DAB1: variants seen among roughly 807,000 people sequenced by gnomAD.
DAB1 encodes the protein DAB adaptor protein 1, also known as disabled homolog 1.
Under a neutral mutation model 64.6 loss-of-function variants are expected in DAB1, and 15 were observed. The ratio of observed to expected loss-of-function variants is 0.23; its 90% CI spans 0.16 to 0.36. The LOEUF is 0.36. DAB1 is among the 10% of genes least tolerant of loss of function. DAB1 has a pLI of 1.00. For synonymous variants in DAB1, 235 were observed against 251.9 expected, an observed-to-expected ratio of 0.93 and a Z score of 0.64; for missense variants, 596 against 706.7, an observed-to-expected ratio of 0.84 and a Z score of 1.78.
chr1:57,575,306 A>G (rs1489173228), intron 7 of DAB1, among the ~76,000 whole-genome samples: 1 of 152,240 alleles, frequency 6.6e-6, no homozygotes, highest in Non-Finnish European at 1.5e-5. Flanking sequence ...GTACCTTTAA[A>G]TTGATCATAA....
intron 9 of DAB1, among the ~76,000 whole-genome samples, chr1:57,049,839 G>GGAGGCA (rs1648992114): frequency 6.6e-6 from 1 of 152,172 alleles, no homozygotes; most frequent in Non-Finnish European, 1.5e-5. Flanking sequence ...TGGTCAACAA[G>GGAGGCA]GAGGCAGTAG....
intron 3 of DAB1, among the ~76,000 whole-genome samples, chr1:57,137,967 T>A (rs866210441): frequency 6.6e-5 from 10 of 152,294 alleles, no homozygotes; most frequent in African/African-American, 2.2e-4. Context: ...AACCTCTTAG[T>A]TTCACTTCCT....
chr1:57,938,199 T>C (rs1645054954), intron 5 of DAB1, among the ~76,000 whole-genome samples: 1 of 152,246 alleles, frequency 6.6e-6, no homozygotes, highest in South Asian at 2.1e-4. Context: ...TTCTGAACTT[T>C]AGCAGCTTCT....
In DAB1 at chr1:57,877,540, G is replaced by T. The variant is rs1644067394; in HGVS notation, n.87+6459C>A. ...GCTTCATCTTTTAAAAATCCTAATT[G>T]ATTTATTTTTTTTTTTTTTTTTTTT... is the stretch of plus-strand genomic sequence containing the variant. On this transcript the variant is annotated intron_variant and non_coding_transcript_variant, in intron 1 of 1. Transcript: ENST00000477280. 3.7e-5 allele frequency among the ~76,000 whole-genome samples: 4 copies of T among 107,874 alleles called. 1 individual carries two copies. The South Asian group carries it at 8.5e-4, about 23-fold the overall frequency. The allele number at this position is 107,874 out of a possible 152,430, so 70.8% of individuals were successfully genotyped here.
At chr1:57,890,527 C>T (rs568296691) in intron 5 of DAB1, among the ~76,000 whole-genome samples, 11 of 149,082 alleles carry the variant, frequency 7.4e-5, no homozygotes, top group African/African-American at 2.7e-4. Context: ...ACAATCTTGG[C>T]TCACTGTAGT....
chr1:57,335,412 ATT>A (rs1677002603), intron 1 of DAB1, among the ~76,000 whole-genome samples: 1 of 152,228 alleles, frequency 6.6e-6, no homozygotes, highest in Non-Finnish European at 1.5e-5. Flanking sequence ...ACAGCATTAG[ATT>A]TTGCTTGATA....
intron 7 of DAB1, among the ~76,000 whole-genome samples, chr1:57,584,393 G>A (rs1283470460): frequency 7.9e-5 from 12 of 152,182 alleles, no homozygotes. Context: ...TCACAGGGCT[G>A]GTTGAGGCCT....
chr1:57,825,300 C>T (rs1012373711), downstream of DAB1, among the ~76,000 whole-genome samples: 1 of 152,140 alleles, frequency 6.6e-6, no homozygotes, highest in African/African-American at 2.4e-5. Flanking sequence ...ATTTTGGATG[C>T]CCAAGAGCAA....
At chr1:57,795,299 T>C (rs1650792774) in intron 6 of DAB1, among the ~76,000 whole-genome samples, 1 of 152,212 alleles carries the variant, frequency 6.6e-6, no homozygotes, top group Non-Finnish European at 1.5e-5. Context: ...TTTAACTTCA[T>C]GTTTTCTAAA....
intron 4 of DAB1, among the ~76,000 whole-genome samples, chr1:58,161,123 C>T (rs947757025): frequency 1.1e-4 from 16 of 152,148 alleles, no homozygotes; most frequent in Admixed American, 2.6e-4. Context: ...AAGGTAGAAC[C>T]ACAACACACA....
chr1:57,401,549 A>T (rs10889043), intron 1 of DAB1, among the ~76,000 whole-genome samples: 54,722 of 151,932 alleles, frequency 0.36, 10,372 homozygotes, highest in Non-Finnish European at 0.43. Flanking sequence ...AGTGCCTGCA[A>T]CTCCCAACTA....
At chr1:57,503,498 A>T (rs770090819) in intron 7 of DAB1, among the ~76,000 whole-genome samples, 3 of 152,128 alleles carry the variant, frequency 2.0e-5, no homozygotes, top group Admixed American at 6.5e-5. Flanking sequence ...CTGTGTCAAC[A>T]TGTCTGCCCA....
At chr1:57,319,866 G>T (rs1675552290) in intron 1 of DAB1, among the ~76,000 whole-genome samples, 1 of 152,096 alleles carries the variant, frequency 6.6e-6, no homozygotes, top group Non-Finnish European at 1.5e-5. Context: ...CATCCTGGCT[G>T]CCCTGGCTTC....
intron 9 of DAB1, among the ~76,000 whole-genome samples, chr1:57,053,664 A>ATATATATG (rs1649423552): frequency 1.4e-5 from 1 of 70,928 alleles, no homozygotes; most frequent in African/African-American, 6.2e-5. Context: ...CTCTCTCTAT[A>ATATATATG]TGTATATATA....
At chr1:58,235,156 T>C (rs1227730057) in intron 4 of DAB1, among the ~76,000 whole-genome samples, 1 of 152,212 alleles carries the variant, frequency 6.6e-6, no homozygotes, top group Admixed American at 6.5e-5. Flanking sequence ...ATACTAACAT[T>C]TAATGAAATA....
At chr1:58,325,939 T>G (rs1253853472) in intron 4 of DAB1, among the ~76,000 whole-genome samples, 1 of 152,132 alleles carries the variant, frequency 6.6e-6, no homozygotes, top group Non-Finnish European at 1.5e-5. Flanking sequence ...CCTCTGAGGC[T>G]CCCATGGTTG....
intron 2 of DAB1, among the ~76,000 whole-genome samples, chr1:57,160,089 T>C (rs1287595559): frequency 3.3e-5 from 5 of 152,234 alleles, no homozygotes; most frequent in Non-Finnish European, 7.3e-5. Context: ...CATTTGCTTC[T>C]TAGATTTTCT....
At chr1:57,555,033 T>C (rs1306607494) in intron 7 of DAB1, among the ~76,000 whole-genome samples, 1 of 135,068 alleles carries the variant, frequency 7.4e-6, no homozygotes, top group Non-Finnish European at 1.6e-5. Flanking sequence ...CTATTTTTTT[T>C]TTTTTTTTTT....
chr1:58,183,988 G>A (rs905201199), intron 4 of DAB1, among the ~76,000 whole-genome samples: 9 of 151,632 alleles, frequency 5.9e-5, no homozygotes, highest in Admixed American at 3.3e-4. Flanking sequence ...TTTTAACAAC[G>A]CCCCTGGACA....
Sources: allele counts gnomAD v4.1 joint callset (sites outside exome capture counted in the v4.1 genomes callset), GRCh38; gene constraint gnomAD v4.1.1; transcripts MANE v1.5; gene names NCBI Gene and HGNC (gene_info 2026-07-23, HGNC 2026-07-21).